PDE1A: variants seen among roughly 807,000 people sequenced by gnomAD.
PDE1A encodes the protein phosphodiesterase 1A, also known as dual specificity calcium/calmodulin-dependent 3',5'-cyclic nucleotide phosphodiesterase 1A.
In PDE1A, 35 loss-of-function variants were observed where a neutral mutation model predicts 61.7. That is an observed-to-expected ratio of 0.57 (90% confidence interval 0.43 to 0.75). PDE1A has a LOEUF of 0.75. Among genes scored for constraint, PDE1A ranks in the 30% least tolerant of loss-of-function variants. The pLI is 0.00. For missense variants in PDE1A, 597 were observed against 630.6 expected, an observed-to-expected ratio of 0.95 and a Z score of 0.57; for synonymous variants, 232 against 213.2, an observed-to-expected ratio of 1.09 and a Z score of -0.77.
the PDE1A span, among the ~76,000 whole-genome samples, chr2:182,701,032 T>G: frequency 1.7e-5 from 2 of 116,574 alleles, no homozygotes; most frequent in Non-Finnish European, 4.3e-5. Context: ...TTCTGTTTTT[T>G]GTTTTTGTTG....
At chr2:182,528,249 G>A in the PDE1A span, among the ~76,000 whole-genome samples, 42 of 152,290 alleles carry the variant, frequency 2.8e-4, no homozygotes, top group African/African-American at 9.9e-4. Context: ...CCAGGCTGAG[G>A]TGGTCTCAAA....
the PDE1A span, among the ~76,000 whole-genome samples, chr2:182,690,853 A>G: frequency 4.6e-5 from 7 of 152,190 alleles, no homozygotes; most frequent in Non-Finnish European, 4.4e-5. Flanking sequence ...AAATCAATGT[A>G]CAAAAATCAC....
At chr2:182,563,825 T>G in the PDE1A span, among the ~76,000 whole-genome samples, 1 of 152,204 alleles carries the variant, frequency 6.6e-6, no homozygotes, top group Non-Finnish European at 1.5e-5. Context: ...CTTCTTTGTC[T>G]CTTTTGATCT....
the PDE1A span, among the ~76,000 whole-genome samples, chr2:182,601,341 A>G: frequency 2.0e-5 from 3 of 152,318 alleles, no homozygotes; most frequent in East Asian, 1.9e-4. Flanking sequence ...AGCTTTCCCA[A>G]CTGGCACCAA....
At chr2:182,513,850 A>AG (rs1689970852) in intron 2 of PDE1A, among the ~76,000 whole-genome samples, 1 of 152,260 alleles carries the variant, frequency 6.6e-6, no homozygotes, top group African/African-American at 2.4e-5. Context: ...AGGACAAAGA[A>AG]GGGCATTACA....
intron 1 of PDE1A, among the ~76,000 whole-genome samples, chr2:182,418,120 T>C (rs1035655335): frequency 1.3e-4 from 20 of 152,302 alleles, no homozygotes; most frequent in African/African-American, 4.8e-4. Flanking sequence ...GGAAGCTCTG[T>C]TTTATTATTA....
At chr2:182,595,757 T>G in the PDE1A span, among the ~76,000 whole-genome samples, 1 of 152,184 alleles carries the variant, frequency 6.6e-6, no homozygotes, top group Non-Finnish European at 1.5e-5. Flanking sequence ...TTGATATGAC[T>G]TGCTGGTGGG....
intron 13 of PDE1A, among the ~76,000 whole-genome samples, chr2:182,169,691 T>G (rs560464083): frequency 6.6e-6 from 1 of 152,048 alleles, no homozygotes; most frequent in African/African-American, 2.4e-5. Flanking sequence ...AGACCACCCC[T>G]ACTTTCAAAT....
the PDE1A span, among the ~76,000 whole-genome samples, chr2:182,626,686 GA>G: frequency 0.47 from 31,251 of 65,904 alleles, 9,496 homozygotes; most frequent in Admixed American, 0.58. Context: ...TTGCCTTCGA[GA>G]AAAAAAAAAA....
At chr2:182,351,661 T>C (rs772461772) in intron 1 of PDE1A, among the ~76,000 whole-genome samples, 8 of 152,204 alleles carry the variant, frequency 5.3e-5, no homozygotes, top group South Asian at 2.1e-4. Context: ...AGTGTCAGCG[T>C]TGGCACTTTA....
intron 2 of PDE1A, among the ~76,000 whole-genome samples, chr2:182,437,928 A>C (rs911771414): frequency 6.6e-6 from 1 of 151,944 alleles, no homozygotes; most frequent in African/African-American, 2.4e-5. Flanking sequence ...TTGTTCTGCA[A>C]ATACAGAACA....
At chr2:182,369,426 C>T (rs1301182356) in intron 1 of PDE1A, among the ~76,000 whole-genome samples, 1 of 152,068 alleles carries the variant, frequency 6.6e-6, no homozygotes, top group African/African-American at 2.4e-5. Flanking sequence ...GCTTAAAAGG[C>T]AGCTGCAATA....
intron 1 of PDE1A, among the ~76,000 whole-genome samples, chr2:182,392,769 G>C (rs1701493002): frequency 6.6e-6 from 1 of 152,264 alleles, no homozygotes; most frequent in Admixed American, 6.5e-5. Flanking sequence ...TTGAAATCCA[G>C]TGGGGCAGTC....
intron 2 of PDE1A, among the ~76,000 whole-genome samples, chr2:182,517,814 C>T (rs1237978216): frequency 6.6e-6 from 1 of 151,740 alleles, no homozygotes; most frequent in Non-Finnish European, 1.5e-5. Context: ...CCGGACCCTG[C>T]TGCCCACTAA....
At chr2:182,313,741 T>C (rs1696146899) in intron 1 of PDE1A, among the ~76,000 whole-genome samples, 1 of 139,488 alleles carries the variant, frequency 7.2e-6, no homozygotes, top group African/African-American at 2.6e-5. Context: ...TTTTGAGTCT[T>C]ACTTTGCATA....
At chr2:182,505,802 A>C (rs984861022) in intron 2 of PDE1A, among the ~76,000 whole-genome samples, 1 of 152,232 alleles carries the variant, frequency 6.6e-6, no homozygotes, top group African/African-American at 2.4e-5. Flanking sequence ...GAGATTAGTC[A>C]AGAGAATGGA....
chr2:182,241,043 C>A (rs1219969559), intron 2 of PDE1A, among the ~76,000 whole-genome samples: 1 of 152,170 alleles, frequency 6.6e-6, no homozygotes, highest in African/African-American at 2.4e-5. Flanking sequence ...GAAACAATGA[C>A]CACGCTCTGT....
At chr2:182,579,145 G>C in the PDE1A span, among the ~76,000 whole-genome samples, 1 of 152,218 alleles carries the variant, frequency 6.6e-6, no homozygotes, top group Admixed American at 6.5e-5. Flanking sequence ...CAGGAAAACA[G>C]TGAGCTTAAT....
chr2:182,410,371 TA>T (rs1702543761), intron 1 of PDE1A, among the ~76,000 whole-genome samples: 1 of 151,964 alleles, frequency 6.6e-6, no homozygotes, highest in Non-Finnish European at 1.5e-5. Context: ...TGTCTTAAAA[TA>T]AATAAATAAA....
Sources: gnomAD v4.1 joint callset for allele counts (sites outside exome capture counted in the v4.1 genomes callset) on GRCh38, gnomAD v4.1.1 for gene constraint, MANE v1.5 for transcripts, NCBI Gene and HGNC (gene_info 2026-07-23, HGNC 2026-07-21) for gene names.